The following ZRANB1 variants were observed in gnomAD, a reference collection of about 807,000 sequenced individuals.
ZRANB1 encodes zinc finger RANBP2-type containing 1.
A neutral mutation model predicts 80.5 loss-of-function variants in ZRANB1; 16 were observed. The observed-to-expected ratio is 0.20, with a 90% CI of 0.13 to 0.30. The LOEUF is 0.30. Among genes scored for constraint, ZRANB1 ranks in the 10% least tolerant of loss-of-function variants. The probability of loss-of-function intolerance (pLI) is 1.00; values close to 1 mark genes in which losing one functional copy is unlikely to be tolerated. For missense variants in ZRANB1, 576 were observed against 862.6 expected (o/e 0.67, Z 4.16); for synonymous variants, 291 against 293.1 (o/e 0.99, Z 0.07).
intron 1 of ZRANB1, among the ~76,000 whole-genome samples, chr10:124,958,906 C>A (rs1342395339): frequency 6.6e-6 from 1 of 152,202 alleles, no homozygotes. Flanking sequence ...GTCTGGGCAA[C>A]ATAAAATCAT....
chr10:124,943,374 G>A, intron 1 of ZRANB1, 67 bp downstream of exon 1: 1 of 1,446,690 alleles, frequency 6.9e-7, no homozygotes, highest in Non-Finnish European at 9.3e-7. Flanking sequence ...TATGAAAAGA[G>A]CTGGGTGCGC....
chr10:124,952,102 T>C (rs1951643451), intron 1 of ZRANB1, among the ~76,000 whole-genome samples: 1 of 152,320 alleles, frequency 6.6e-6, no homozygotes, highest in Admixed American at 6.5e-5. Context: ...TTTGGGTGAT[T>C]TGCATGACCA....
At position 124,981,694 on chromosome 10, in the gene ZRANB1, A is replaced by C. The variant is rs201537640; in HGVS notation, c.1428-15A>C. ...AAGACTATTTATTTATTTTTTTACT[A>C]TCCTGCTTTTTTAGGTTTTACACAC... On this transcript the variant is annotated splice_polypyrimidine_tract_variant and intron_variant, in intron 5 of 8. Coordinates refer to ENST00000359653, the MANE Select transcript of ZRANB1 (RefSeq NM_017580.3). 136 of 1,589,846 alleles carry C rather than the reference A, an allele frequency of 8.6e-5. No homozygotes were observed. Among genetic ancestry groups the C allele is most frequent in the Non-Finnish European group, 1.0e-4 (120 of 1,173,216 alleles).
the ZRANB1 span, among the ~76,000 whole-genome samples, chr10:124,925,342 A>G: frequency 6.6e-6 from 1 of 152,148 alleles, no homozygotes; most frequent in South Asian, 2.1e-4. Flanking sequence ...CATTTCCCTA[A>G]TGACTAATGA....
chr10:124,947,709 A>G (rs754204872), intron 1 of ZRANB1, among the ~76,000 whole-genome samples: 3 of 152,028 alleles, frequency 2.0e-5, no homozygotes, highest in Non-Finnish European at 4.4e-5. Flanking sequence ...TTCTCATTCC[A>G]TTGCTTGTGC....
chr10:124,953,943 C>T (rs1197434212), intron 1 of ZRANB1, among the ~76,000 whole-genome samples: 1 of 151,250 alleles, frequency 6.6e-6, no homozygotes, highest in Non-Finnish European at 1.5e-5. Context: ...GATTTAGTGT[C>T]CTTTTTTTTT....
chr10:124,956,418 G>T (rs78953407), intron 1 of ZRANB1, among the ~76,000 whole-genome samples: 8,363 of 152,160 alleles, frequency 0.055, 752 homozygotes, highest in African/African-American at 0.19. Context: ...CTCCAGTCCT[G>T]CTGTGCATAG....
At chr10:124,924,623 A>T in the ZRANB1 span, among the ~76,000 whole-genome samples, 2 of 151,906 alleles carry the variant, frequency 1.3e-5, no homozygotes, top group Non-Finnish European at 2.9e-5. Flanking sequence ...TCCAAGGTTT[A>T]TGTTGTGGCA....
intron 5 of ZRANB1, among the ~76,000 whole-genome samples, chr10:124,977,711 G>GAAAAAAAAAAAAAAAAAA (rs752296814): frequency 2.1e-5 from 1 of 48,728 alleles, no homozygotes; most frequent in Non-Finnish European, 4.1e-5. Flanking sequence ...ACCCTGCTAA[G>GAAAAAAAAAAAAAAAAAA]AAAAAAAAAA....
chr10:124,978,423 C>T (rs1951899813), intron 5 of ZRANB1, among the ~76,000 whole-genome samples: 1 of 152,172 alleles, frequency 6.6e-6, no homozygotes, highest in Admixed American at 6.5e-5. Flanking sequence ...ACCCCTCCAC[C>T]CGTCACTTCA....
chr10:124,929,209 A>G, the ZRANB1 span, among the ~76,000 whole-genome samples: 128 of 152,240 alleles, frequency 8.4e-4, no homozygotes, highest in African/African-American at 2.8e-3. Context: ...TAGCCTGATA[A>G]TCTTGGACAA....
chr10:124,935,352 A>G, the ZRANB1 span, among the ~76,000 whole-genome samples: 8 of 152,228 alleles, frequency 5.3e-5, no homozygotes, highest in Admixed American at 6.5e-5. Flanking sequence ...TCTTAGTCCA[A>G]AAACTCAGAT....
chr10:124,968,780 A>G (rs182817035), intron 2 of ZRANB1, among the ~76,000 whole-genome samples: 246 of 152,294 alleles, frequency 1.6e-3, no homozygotes, highest in Non-Finnish European at 3.1e-3. Flanking sequence ...TAGAGGGGCC[A>G]TTGTGAGTCA....
At chr10:124,974,032 G>A (rs1951851974) in intron 4 of ZRANB1, among the ~76,000 whole-genome samples, 168 bp from the exon 5 acceptor site, 1 of 152,192 alleles carries the variant, frequency 6.6e-6, no homozygotes, top group South Asian at 2.1e-4. Context: ...GACAGAAGAT[G>A]TTTCAAGTAC....
At chr10:124,917,376 C>T in the ZRANB1 span, 1 of 150,970 alleles carries the variant, frequency 6.6e-6, no homozygotes, top group East Asian at 1.9e-4. Context: ...CGCCCGGCGC[C>T]CCAGGGGCGA....
chr10:124,949,044 T>C (rs1020217546), intron 1 of ZRANB1, among the ~76,000 whole-genome samples: 10 of 152,112 alleles, frequency 6.6e-5, no homozygotes, highest in African/African-American at 2.4e-4. Flanking sequence ...AAGTAGTGGG[T>C]ATGAAAGGGT....
At chr10:124,974,102 T>G in intron 4 of ZRANB1, 98 bp from the exon 5 acceptor site, 1 of 1,242,560 alleles carries the variant, frequency 8.0e-7, no homozygotes, top group Non-Finnish European at 1.1e-6. Context: ...AAATTACATA[T>G]AAACCATTTT....
upstream of ZRANB1, chr10:124,940,470 T>C (rs1481719148): frequency 8.6e-6 from 11 of 1,283,060 alleles, no homozygotes; most frequent in East Asian, 5.6e-5. Flanking sequence ...GAATCTTGTC[T>C]TTGATCTGAT....
Position 124,942,154 on chromosome 10 carries a change from T to G in ZRANB1, c.-340T>G. On this transcript the variant is annotated 5_prime_UTR_variant, in exon 1 of 9. Transcript: ENST00000359653. ...GCCTCCCTGAAATTAAACATTTCTA[T>G]TAGTGGCTTCCCGTTAATCTCATCC... is the stretch of plus-strand genomic sequence containing the variant. 2 of 1,077,462 alleles carry G rather than the reference T, an allele frequency of 1.9e-6. No individual in the cohort carries two copies. Among genetic ancestry groups the G allele is most frequent in the Non-Finnish European group, 1.1e-6 (1 of 887,770 alleles). 66.7% of individuals were successfully genotyped at this position (1,077,462 alleles called of 1,614,324 possible).
Sources: allele counts gnomAD v4.1 joint callset (sites outside exome capture counted in the v4.1 genomes callset), GRCh38; gene constraint gnomAD v4.1.1; transcripts MANE v1.5; gene names NCBI Gene and HGNC (gene_info 2026-07-23, HGNC 2026-07-21).